The following SEMA6D variants were observed in gnomAD, a reference collection of about 807,000 sequenced individuals.
SEMA6D encodes semaphorin 6D.
A neutral mutation model predicts 106.6 loss-of-function variants in SEMA6D; 35 were observed. The observed-to-expected ratio is 0.33, with a 90% CI of 0.25 to 0.44. The LOEUF (loss-of-function observed/expected upper bound fraction) is 0.44, where lower values mean the gene tolerates loss of function less well. SEMA6D is among the 20% of genes least tolerant of loss of function. The pLI, the probability that SEMA6D is intolerant of heterozygous loss-of-function variation, is 1.00. For synonymous variants in SEMA6D, 499 were observed against 487.7 expected (o/e 1.02, Z -0.31); for missense variants, 1,185 against 1,345.9 (o/e 0.88, Z 1.87).
At position 47,738,017 on chromosome 15, in the gene SEMA6D, A is replaced by G. The variant is rs563373330; in HGVS notation, c.-55+20325A>G. The stretch of plus-strand genomic sequence containing the variant: ...AACAATTTGCATTTCTAGTATTGCT[A>G]TCAAGAAGCCTGATAAACTTAAAAA... On this transcript the variant is annotated intron_variant, in intron 1 of 18. Coordinates refer to ENST00000536845, the MANE Select transcript of SEMA6D (RefSeq NM_001358351.3). Among the ~76,000 whole-genome samples, 6 of 150,128 alleles carry G rather than the reference A, an allele frequency of 4.0e-5. No individual in the cohort carries two copies. In the South Asian group the frequency reaches 1.3e-3, roughly 32 times the overall value.
intron 1 of SEMA6D, among the ~76,000 whole-genome samples, chr15:47,188,054 G>T (rs1893695043): frequency 6.6e-6 from 1 of 152,104 alleles, no homozygotes; most frequent in Non-Finnish European, 1.5e-5. Context: ...TTGAATGGTG[G>T]CTTTAATTCC....
intron 1 of SEMA6D, among the ~76,000 whole-genome samples, chr15:47,723,290 G>A (rs961598359): frequency 4.6e-5 from 7 of 151,916 alleles, no homozygotes; most frequent in African/African-American, 1.7e-4. Flanking sequence ...AAGCATCCTA[G>A]AACGGTATCT....
intron 4 of SEMA6D, among the ~76,000 whole-genome samples, chr15:47,656,955 T>C (rs1474478298): frequency 6.6e-6 from 1 of 152,158 alleles, no homozygotes; most frequent in Non-Finnish European, 1.5e-5. Context: ...TACATACTAT[T>C]AAGAGGCAGA....
In SEMA6D at chr15:47,416,573, G is replaced by C. The variant is rs541749303; in HGVS notation, c.-159+4101G>C. Reference sequence around the variant, plus strand: ...TCAAACAGTGTACTCACAATCTGGCGGGTCTGGCTACGTCTATTATTTCTA... The same window carrying C: ...TCAAACAGTGTACTCACAATCTGGCCGGTCTGGCTACGTCTATTATTTCTA... On this transcript the variant is annotated intron_variant, in intron 2 of 19. Coordinates refer to the SEMA6D transcript ENST00000558014. Among the ~76,000 whole-genome samples, 14 of 152,162 alleles carry C rather than the reference G, an allele frequency of 9.2e-5. 1 individual carries two copies. Among genetic ancestry groups the C allele is most frequent in the Middle Eastern group, 3.4e-3 (1 of 294 alleles).
intron 4 of SEMA6D, among the ~76,000 whole-genome samples, chr15:47,648,270 G>A (rs2077618793): frequency 6.6e-6 from 1 of 152,140 alleles, no homozygotes; most frequent in Admixed American, 6.6e-5. Flanking sequence ...GCTTCCTCCT[G>A]GTGCTCCGAT....
chr15:47,383,466 G>A (rs1443076051), intron 1 of SEMA6D, among the ~76,000 whole-genome samples: 1 of 152,200 alleles, frequency 6.6e-6, no homozygotes. Context: ...ACCGGCCAGT[G>A]CTGGCCTTCC....
chr15:47,192,770 T>C lies in SEMA6D; in HGVS notation c.-239+8352T>C, dbSNP rs142753296. On this transcript the variant is annotated intron_variant, in intron 1 of 19. Transcript: ENST00000558014. ...GAAATTGTTCTGTGTAGCAAATCTATTGAAGATATACTCATCTTGGAAGAG... is the reference window on the plus strand; with the variant it reads ...GAAATTGTTCTGTGTAGCAAATCTACTGAAGATATACTCATCTTGGAAGAG... 3.9e-4 allele frequency among the ~76,000 whole-genome samples: 59 copies of C among 152,288 alleles called. 1 individual carries two copies. In the Middle Eastern group the frequency reaches 0.01, roughly 26 times the overall value.
intron 3 of SEMA6D, among the ~76,000 whole-genome samples, chr15:47,570,766 G>A (rs9806310): frequency 0.13 from 19,459 of 152,120 alleles, 2,210 homozygotes; most frequent in African/African-American, 0.3. Flanking sequence ...GTACTTTACA[G>A]CTCTTCCCAG....
intron 3 of SEMA6D, among the ~76,000 whole-genome samples, chr15:47,519,990 C>T (rs879327430): frequency 1.3e-5 from 2 of 152,204 alleles, no homozygotes; most frequent in African/African-American, 4.8e-5. Context: ...AATCTTTCCT[C>T]ATGCAGCCGA....
intron 1 of SEMA6D, among the ~76,000 whole-genome samples, chr15:47,334,064 A>G (rs994305381): frequency 6.6e-6 from 1 of 152,154 alleles, no homozygotes; most frequent in Non-Finnish European, 1.5e-5. Context: ...TTTTTATTTT[A>G]TCACATTTCT....
intron 1 of SEMA6D, among the ~76,000 whole-genome samples, chr15:47,194,804 G>A (rs990492944): frequency 6.6e-6 from 1 of 152,124 alleles, no homozygotes; most frequent in African/African-American, 2.4e-5. Flanking sequence ...TTCCACCTAG[G>A]AAGATACTTC....
intron 4 of SEMA6D, among the ~76,000 whole-genome samples, chr15:47,682,287 C>T (rs536831932): frequency 2.0e-5 from 3 of 152,186 alleles, no homozygotes; most frequent in African/African-American, 7.2e-5. Context: ...GCTGCCTCAG[C>T]CTCCCGAGTA....
At chr15:47,657,546 A>G (rs972678359) in intron 4 of SEMA6D, among the ~76,000 whole-genome samples, 13 of 151,988 alleles carry the variant, frequency 8.6e-5, no homozygotes, top group African/African-American at 3.1e-4. Flanking sequence ...TATTACATGT[A>G]TTTTACAATT....
intron 3 of SEMA6D, among the ~76,000 whole-genome samples, chr15:47,507,323 G>A (rs886586464): frequency 3.9e-5 from 6 of 151,956 alleles, no homozygotes; most frequent in Admixed American, 3.9e-4. Flanking sequence ...AGCTCTTCTG[G>A]GCTCTCAAGT....
At chr15:47,455,966 T>A (rs1400406650) in intron 2 of SEMA6D, among the ~76,000 whole-genome samples, 1 of 151,926 alleles carries the variant, frequency 6.6e-6, no homozygotes, top group Admixed American at 6.6e-5. Flanking sequence ...CCCTCCAAGA[T>A]GGTTCCACTC....
chr15:47,242,484 C>T (rs2032970805), intron 1 of SEMA6D, among the ~76,000 whole-genome samples: 1 of 152,068 alleles, frequency 6.6e-6, no homozygotes, highest in African/African-American at 2.4e-5. Context: ...GGGTCAGGCT[C>T]AATCAAGTAA....
intron 1 of SEMA6D, among the ~76,000 whole-genome samples, chr15:47,752,581 T>C (rs746852609): frequency 6.6e-6 from 1 of 152,078 alleles, no homozygotes; most frequent in Non-Finnish European, 1.5e-5. Context: ...GAGGGAGACA[T>C]GGACAAATTT....
At chr15:47,278,144 G>T (rs1420480772) in intron 1 of SEMA6D, among the ~76,000 whole-genome samples, 4 of 151,866 alleles carry the variant, frequency 2.6e-5, no homozygotes, top group African/African-American at 9.7e-5. Context: ...GGGATGGCTG[G>T]GTCAAATGGT....
chr15:47,581,032 T>A (rs1256301285), intron 3 of SEMA6D, among the ~76,000 whole-genome samples: 1 of 152,220 alleles, frequency 6.6e-6, no homozygotes, highest in Admixed American at 6.5e-5. Context: ...GTATTACAAC[T>A]GTTGATCCAT....
Sources: gnomAD v4.1 joint callset for allele counts (sites outside exome capture counted in the v4.1 genomes callset) on GRCh38, gnomAD v4.1.1 for gene constraint, MANE v1.5 for transcripts, NCBI Gene and HGNC (gene_info 2026-07-23, HGNC 2026-07-21) for gene names.